The following NAA35 variants were observed in gnomAD, a reference collection of about 807,000 sequenced individuals.
The protein encoded by NAA35 is MAK10 homolog, amino-acid N-acetyltransferase subunit.
Under a neutral mutation model 101.7 loss-of-function variants are expected in NAA35, and 18 were observed. The observed-to-expected ratio is 0.18, with a 90% confidence interval of 0.12 to 0.26. The LOEUF (loss-of-function observed/expected upper bound fraction) is 0.26. Ranked by LOEUF, NAA35 falls within the 10% of genes least tolerant of loss-of-function variation. The probability of loss-of-function intolerance (pLI) is 1.00; values close to 1 mark genes in which losing one functional copy is unlikely to be tolerated. For missense variants in NAA35, 601 were observed against 886.8 expected, an observed-to-expected ratio of 0.68 and a Z score of 4.09; for synonymous variants, 267 against 273.1, an observed-to-expected ratio of 0.98 and a Z score of 0.22.
At chr9:85,943,585 A>G (rs1156257413) in intron 2 of NAA35, among the ~76,000 whole-genome samples, 1 of 152,060 alleles carries the variant, frequency 6.6e-6, no homozygotes, top group African/African-American at 2.4e-5. Context: ...GAGACAGTGG[A>G]AAGGACGTAA....
At chr9:85,995,886 CTG>C (rs1012601641) in intron 11 of NAA35, among the ~76,000 whole-genome samples, 2 of 152,180 alleles carry the variant, frequency 1.3e-5, no homozygotes, top group Non-Finnish European at 2.9e-5. Context: ...AATTACATCT[CTG>C]TTCCAAATGC....
intron 15 of NAA35, among the ~76,000 whole-genome samples, chr9:86,012,799 G>A (rs1032273392): frequency 6.6e-6 from 1 of 152,174 alleles, no homozygotes; most frequent in African/African-American, 2.4e-5. Flanking sequence ...TCTAAAGATC[G>A]AAGGAAGCTA....
At chr9:85,984,058 G>C (rs981488759) in intron 11 of NAA35, among the ~76,000 whole-genome samples, 6 of 150,114 alleles carry the variant, frequency 4.0e-5, no homozygotes, top group African/African-American at 1.5e-4. Context: ...GGATGTGGTA[G>C]CCCATGCCTG....
At chr9:86,002,650 T>C (rs1831466006) in intron 12 of NAA35, among the ~76,000 whole-genome samples, 1 of 152,210 alleles carries the variant, frequency 6.6e-6, no homozygotes, top group Admixed American at 6.5e-5. Context: ...TTTATTTTGC[T>C]GTTAATACTT....
intron 6 of NAA35, among the ~76,000 whole-genome samples, chr9:85,963,880 G>A (rs1166128291): frequency 6.6e-6 from 1 of 152,166 alleles, no homozygotes; most frequent in Non-Finnish European, 1.5e-5. Flanking sequence ...TAGCTGAAAT[G>A]TGTTAAGTAT....
chr9:85,961,120 G>A (rs554170833), intron 5 of NAA35, among the ~76,000 whole-genome samples: 1 of 152,202 alleles, frequency 6.6e-6, no homozygotes, highest in Admixed American at 6.5e-5. Flanking sequence ...TAAAAATTTG[G>A]ACTTTAAAAG....
chr9:85,983,301 C>T (rs1032520942), intron 11 of NAA35, among the ~76,000 whole-genome samples: 10 of 152,186 alleles, frequency 6.6e-5, no homozygotes, highest in Admixed American at 2.0e-4. Context: ...CAGGCACATG[C>T]TCTCCACTTA....
chr9:85,992,031 G>A (rs1204302842), intron 11 of NAA35, among the ~76,000 whole-genome samples: 1 of 152,050 alleles, frequency 6.6e-6, no homozygotes, highest in Admixed American at 6.5e-5. Context: ...AAAAACAGCC[G>A]GGTGTGGTGG....
At chr9:85,941,848 T>C (rs1489589282) in intron 1 of NAA35, 1 of 1,073,302 alleles carries the variant, frequency 9.3e-7, no homozygotes, top group Non-Finnish European at 1.1e-6. Context: ...AGTTGGAAGC[T>C]CTGGAGTTGT....
intron 6 of NAA35, among the ~76,000 whole-genome samples, chr9:85,970,642 C>T (rs1460148672): frequency 6.6e-6 from 1 of 152,106 alleles, no homozygotes; most frequent in Non-Finnish European, 1.5e-5. Flanking sequence ...ACACCCATTA[C>T]TGAGGGATAT....
At chr9:85,963,996 A>G (rs1277414479) in intron 6 of NAA35, among the ~76,000 whole-genome samples, 1 of 152,224 alleles carries the variant, frequency 6.6e-6, no homozygotes, top group Non-Finnish European at 1.5e-5. Flanking sequence ...CTGAAATGTC[A>G]TGTTTTTAGC....
At chr9:85,965,014 T>G (rs1341425064) in intron 6 of NAA35, among the ~76,000 whole-genome samples, 4 of 152,250 alleles carry the variant, frequency 2.6e-5, no homozygotes, top group Non-Finnish European at 4.4e-5. Context: ...TTTGTATTTT[T>G]TTATTCTAGT....
At chr9:85,959,025 C>T (rs1303983389) in intron 4 of NAA35, among the ~76,000 whole-genome samples, 2 of 152,096 alleles carry the variant, frequency 1.3e-5, no homozygotes, top group African/African-American at 2.4e-5. Context: ...AAATGGATAT[C>T]GTAAACAAAA....
intron 2 of NAA35, among the ~76,000 whole-genome samples, chr9:85,947,602 A>G (rs1054891253): frequency 1.3e-5 from 2 of 152,230 alleles, no homozygotes; most frequent in African/African-American, 4.8e-5. Flanking sequence ...CTCAAGGGGC[A>G]TTAATGTCTT....
At chr9:86,017,146 A>T (rs1005495005) in intron 18 of NAA35, among the ~76,000 whole-genome samples, 1 of 152,268 alleles carries the variant, frequency 6.6e-6, no homozygotes, top group South Asian at 2.1e-4. Context: ...ATATGGCTGC[A>T]ATTATTATAA....
chr9:86,004,453 T>G (rs952051590), intron 13 of NAA35, among the ~76,000 whole-genome samples: 15 of 151,912 alleles, frequency 9.9e-5, no homozygotes, highest in African/African-American at 3.6e-4. Flanking sequence ...GCATTCCAGC[T>G]TGGGCAACAG....
At chr9:85,947,184 T>C (rs1828806645) in intron 2 of NAA35, among the ~76,000 whole-genome samples, 1 of 152,206 alleles carries the variant, frequency 6.6e-6, no homozygotes, top group South Asian at 2.1e-4. Context: ...ACTGAAATTA[T>C]GTTGATACTT....
chr9:85,978,417 T>C (rs767681620), intron 11 of NAA35, 36 bp downstream of exon 11: 1 of 1,374,346 alleles, frequency 7.3e-7, no homozygotes, highest in South Asian at 1.2e-5. Flanking sequence ...TTTCTTTTCT[T>C]CGTTTCTATC....
At chr9:85,964,641 A>G (rs1829667469) in intron 6 of NAA35, among the ~76,000 whole-genome samples, 2 of 152,078 alleles carry the variant, frequency 1.3e-5, no homozygotes, top group African/African-American at 4.8e-5. Context: ...TGTGAACACA[A>G]CCTTATCCTG....
Sources: allele counts gnomAD v4.1 joint callset (sites outside exome capture counted in the v4.1 genomes callset), GRCh38; gene constraint gnomAD v4.1.1; transcripts MANE v1.5; gene names NCBI Gene and HGNC (gene_info 2026-07-23, HGNC 2026-07-21).